The following P4HA3 variants were observed in gnomAD, a reference collection of about 807,000 sequenced individuals.
P4HA3 encodes the protein prolyl 4-hydroxylase subunit alpha-3.
Under a neutral mutation model 66.7 loss-of-function variants are expected in P4HA3, and 60 were observed. The ratio of observed to expected loss-of-function variants is 0.90; its 90% confidence interval spans 0.73 to 1.12. The LOEUF (loss-of-function observed/expected upper bound fraction) is 1.12, where lower values mean the gene tolerates loss of function less well. P4HA3 is among the 50% of genes most tolerant of loss of function. The pLI is 0.00. For synonymous variants in P4HA3, 263 were observed against 274.6 expected, an observed-to-expected ratio of 0.96 and a Z score of 0.42; for missense variants, 683 against 685.8, an observed-to-expected ratio of 1.00 and a Z score of 0.05.
chr11:74,289,014 A>G (rs1860904873), intron 5 of P4HA3, 65 bp downstream of exon 5: 26 of 1,191,168 alleles, frequency 2.2e-5, no homozygotes, highest in Non-Finnish European at 2.8e-5. Context: ...ATTAAAGGCC[A>G]GGAGCAGAAG....
At chr11:74,289,040 T>G in intron 5 of P4HA3, 39 bp downstream of exon 5, 1 of 1,427,138 alleles carries the variant, frequency 7.0e-7, no homozygotes, top group Middle Eastern at 1.9e-4. Context: ...TCCCCGTAAA[T>G]CAGACCTGTG....
At chr11:74,303,041 T>C (rs1481508322) in intron 2 of P4HA3, among the ~76,000 whole-genome samples, 1 of 152,150 alleles carries the variant, frequency 6.6e-6, no homozygotes, top group Non-Finnish European at 1.5e-5. Context: ...AATCTTGAAT[T>C]CCTGGGCTCA....
intron 15 of P4HA3, chr11:74,251,042 T>TAAAAGGACA: frequency 6.3e-7 from 1 of 1,575,498 alleles, no homozygotes; most frequent in Non-Finnish European, 8.6e-7. Context: ...TCAGTGACTG[T>TAAAAGGACA]AAAAGGACAA....
Position 74,267,141 on chromosome 11 carries a change from G to C in P4HA3, c.*107C>G. 1 of 1,571,902 alleles carries C rather than the reference G, an allele frequency of 6.4e-7. No individual in the cohort carries two copies. The highest frequency in any genetic ancestry group is 8.6e-7 in the Non-Finnish European group (1 of 1,161,684). ...GCGAGGCACAGACAAAGCTGACAAG[G>C]CCTTCTTCCAGGAGGCTGCTCTGCT... On this transcript the variant is annotated 3_prime_UTR_variant, in exon 13 of 13. Transcript: ENST00000331597.
chr11:74,301,223 T>C (rs916117621), intron 3 of P4HA3, among the ~76,000 whole-genome samples: 15 of 152,210 alleles, frequency 9.9e-5, no homozygotes, highest in Admixed American at 9.2e-4. Flanking sequence ...TTGCTTGTTA[T>C]ATTATTTTAT....
rs771697639 is a variant in P4HA3, at chr11:74,302,429, G to C, written c.507C>G (p.Asp169Glu). Residue 169 changes from aspartate (D) to glutamate (E), a missense_variant, in exon 3 of 13, where the codon GAC becomes GAG. Asp to Glu is a conservative substitution (Grantham distance 45). Transcript: ENST00000331597. ...FQRVTGSAIT[D>E]LYSPKRLFSL... ...AAAAGAGCCGTTTGGGGCTGTACAG[G>C]TCAGTGATGGCAGAGCCAGTGACTC... is the stretch of plus-strand genomic sequence containing the variant. 3.1e-6 allele frequency: 5 copies of C among 1,614,032 alleles called. No homozygotes were observed. The highest frequency in any genetic ancestry group is 4.2e-6 in the Non-Finnish European group (5 of 1,180,038).
chr11:74,251,724 G>T, intron 15 of P4HA3: 1 of 1,613,916 alleles, frequency 6.2e-7, no homozygotes, highest in Non-Finnish European at 8.5e-7. Flanking sequence ...TGGTAAGGCG[G>T]GTACAAGGGT....
chr11:74,289,203 T>TAA, intron 4 of P4HA3, 73 bp from the exon 5 acceptor site: 1 of 1,100,998 alleles, frequency 9.1e-7, no homozygotes, highest in Non-Finnish European at 1.2e-6. Flanking sequence ...AACCATTAAA[T>TAA]TAAAAAAAAA....
chr11:74,250,892 G>A, intron 15 of P4HA3: 1 of 1,413,498 alleles, frequency 7.1e-7, no homozygotes, highest in Non-Finnish European at 9.8e-7. Context: ...AATGACCTAT[G>A]AGGCTGCATA....
intron 5 of P4HA3, chr11:74,287,393 A>G: frequency 8.8e-7 from 1 of 1,132,834 alleles, no homozygotes; most frequent in East Asian, 5.8e-5. Flanking sequence ...AACCCCAGTG[A>G]AAATATTGCA....
intron 2 of P4HA3, among the ~76,000 whole-genome samples, chr11:74,304,004 A>G (rs1465559487): frequency 2.0e-5 from 3 of 152,202 alleles, no homozygotes; most frequent in Admixed American, 1.3e-4. Flanking sequence ...TTCTATACAT[A>G]TATAAATGGA....
intron 9 of P4HA3, 24 bp from the exon 10 acceptor site, chr11:74,273,631 T>C (rs767928029): frequency 6.5e-7 from 1 of 1,539,006 alleles, no homozygotes; most frequent in South Asian, 1.3e-5. Context: ...AAACAGAACA[T>C]ATTATTTTAT....
In P4HA3 at chr11:74,253,634, C is replaced by T. The variant is rs997677441; in HGVS notation, c.*1319-5633G>A. On this transcript the variant is annotated intron_variant and NMD_transcript_variant, in intron 15 of 15. Coordinates refer to the P4HA3 transcript ENST00000524388. ...CCATGTGACACTGGCTCCCGGTAGA[C>T]GGGCACCCCGAGATGTACCAACCTT... The T allele has an allele frequency of 2.4e-5, 27 of 1,102,862 alleles. No individual in the cohort carries two copies. In the Admixed American group the frequency reaches 4.3e-4, roughly 18 times the overall value. 68.3% of individuals were successfully genotyped at this position (1,102,862 alleles called of 1,614,324 possible).
chr11:74,292,936 C>G (rs1370655465), intron 4 of P4HA3, among the ~76,000 whole-genome samples: 2 of 151,886 alleles, frequency 1.3e-5, no homozygotes, highest in South Asian at 2.1e-4. Flanking sequence ...ATTTGGGGTG[C>G]AGAGTTCTGT....
intron 7 of P4HA3, among the ~76,000 whole-genome samples, chr11:74,283,223 A>G (rs1860669435): frequency 6.6e-6 from 1 of 151,964 alleles, no homozygotes; most frequent in Non-Finnish European, 1.5e-5. Context: ...TGCTAAATGG[A>G]CGACATGGCC....
Position 74,251,478 on chromosome 11 carries a change from G to A in P4HA3, c.*1319-3477C>T, listed in dbSNP as rs1296414079. 5 of 1,434,120 alleles carry A rather than the reference G, an allele frequency of 3.5e-6. No homozygotes were observed. In the East Asian group the frequency reaches 1.3e-4, roughly 36 times the overall value. 88.8% of individuals were successfully genotyped at this position (1,434,120 alleles called of 1,614,324 possible). A position where few individuals can be genotyped will look rare whatever the true frequency, so the allele number is the denominator to read the frequency against. ...TCCCTGGCAAGGATAGTGGGGAGGA[G>A]TCTTCTAGCTCTGCTAGGGAGGGCC... is the stretch of plus-strand genomic sequence containing the variant. On this transcript the variant is annotated intron_variant and NMD_transcript_variant, in intron 15 of 15. Transcript: ENST00000524388.
Position 74,267,128 on chromosome 11 carries a change from C to A in P4HA3, c.*120G>T. ...TTGCCTCTGATTTGCGAGGCACAGA[C>A]AAAGCTGACAAGGCCTTCTTCCAGG... On this transcript the variant is annotated 3_prime_UTR_variant, in exon 13 of 13. Coordinates refer to ENST00000331597, the MANE Select transcript of P4HA3 (RefSeq NM_182904.5). The A allele has an allele frequency of 6.4e-7, 1 of 1,558,698 alleles. No homozygotes were observed. Among genetic ancestry groups the A allele is most frequent in the Non-Finnish European group, 8.7e-7 (1 of 1,155,632 alleles).
chr11:74,251,351 T>G (rs967632193), intron 15 of P4HA3: 5 of 1,354,098 alleles, frequency 3.7e-6, no homozygotes, highest in African/African-American at 2.9e-5. Flanking sequence ...ACAGGCACAG[T>G]TAGGAATTAA....
intron 7 of P4HA3, 40 bp downstream of exon 7, chr11:74,285,769 G>T: frequency 6.3e-7 from 1 of 1,590,372 alleles, no homozygotes; most frequent in East Asian, 2.2e-5. Context: ...GGCATGTGAA[G>T]ATGAAAGAGA....
Sources: gnomAD v4.1 joint callset for allele counts (sites outside exome capture counted in the v4.1 genomes callset) on GRCh38, gnomAD v4.1.1 for gene constraint, MANE v1.5 for transcripts, NCBI Gene and HGNC (gene_info 2026-07-23, HGNC 2026-07-21) for gene names.